Variants in ITPK1 observed in about 807,000 individuals in gnomAD.
ITPK1 encodes the protein inositol 1,3,4-trisphosphate 5/6-kinase.
Under a neutral mutation model 45.3 loss-of-function variants are expected in ITPK1, and 21 were observed. The ratio of observed to expected loss-of-function variants is 0.46; its 90% confidence interval spans 0.33 to 0.67. The LOEUF (loss-of-function observed/expected upper bound fraction) is 0.67, where lower values mean the gene tolerates loss of function less well. ITPK1 is among the 30% of genes least tolerant of loss of function. ITPK1 has a pLI of 0.02. For missense variants in ITPK1, 474 were observed against 573.5 expected (o/e 0.83, Z 1.77); for synonymous variants, 258 against 253.6 (o/e 1.02, Z -0.16).
chr14:93,048,355 A>G (rs1889868831), intron 3 of ITPK1, among the ~76,000 whole-genome samples: 1 of 152,256 alleles, frequency 6.6e-6, no homozygotes, highest in South Asian at 2.1e-4. Context: ...CAACAAGCTC[A>G]GAATCATGAG....
At chr14:93,091,244 C>T (rs1217440926) in intron 2 of ITPK1, among the ~76,000 whole-genome samples, 1 of 152,242 alleles carries the variant, frequency 6.6e-6, no homozygotes, top group African/African-American at 2.4e-5. Flanking sequence ...ATTACAGCGT[C>T]AGCCCAACAA....
intron 9 of ITPK1, among the ~76,000 whole-genome samples, chr14:92,950,246 A>G (rs1275703802): frequency 6.6e-6 from 1 of 152,184 alleles, no homozygotes; most frequent in Non-Finnish European, 1.5e-5. Context: ...AGGCCAGAGG[A>G]GGGCTTCCTG....
chr14:93,067,619 G>A (rs1237786014), intron 3 of ITPK1: 1 of 152,090 alleles, frequency 6.6e-6, no homozygotes, highest in East Asian at 1.9e-4. Flanking sequence ...CTCAGAGTAT[G>A]ACGACAGTAC....
chr14:93,050,679 G>T (rs1286588829), intron 3 of ITPK1, among the ~76,000 whole-genome samples: 2 of 152,098 alleles, frequency 1.3e-5, no homozygotes, highest in East Asian at 1.9e-4. Context: ...TGTGAGGGGG[G>T]TCCACAAGAG....
chr14:92,997,365 G>A lies in ITPK1; in HGVS notation c.247-3368C>T, dbSNP rs377293504. ...TTAAGCCAAACTCATGAGGGAAAGCGGCTACATGAAACCAAAGGGGAAAAC... is the reference window on the plus strand; with the variant it reads ...TTAAGCCAAACTCATGAGGGAAAGCAGCTACATGAAACCAAAGGGGAAAAC... On this transcript the variant is annotated intron_variant, in intron 4 of 10. Transcript: ENST00000267615. Among the ~76,000 whole-genome samples the A allele has an allele frequency of 6.6e-5, 10 of 152,336 alleles. No homozygotes were observed. In the South Asian group the frequency reaches 1.2e-3, roughly 19 times the overall value.
chr14:93,031,136 C>CA (rs1420682300), intron 3 of ITPK1, among the ~76,000 whole-genome samples: 1 of 152,146 alleles, frequency 6.6e-6, no homozygotes, highest in African/African-American at 2.4e-5. Context: ...GCAGCACTGG[C>CA]AAATGAATCC....
chr14:92,946,989 C>T (rs983899674), intron 9 of ITPK1, among the ~76,000 whole-genome samples: 6 of 152,292 alleles, frequency 3.9e-5, no homozygotes, highest in African/African-American at 1.2e-4. Context: ...AGAAGGAGAG[C>T]GGCCCCAGGG....
At chr14:92,986,239 A>G (rs769717981) in intron 5 of ITPK1, among the ~76,000 whole-genome samples, 2 of 152,228 alleles carry the variant, frequency 1.3e-5, no homozygotes, top group Admixed American at 6.5e-5. Context: ...AATTCACACT[A>G]AAGTGTAAAT....
chr14:93,061,746 G>C (rs1233918867), intron 3 of ITPK1, among the ~76,000 whole-genome samples: 1 of 152,114 alleles, frequency 6.6e-6, no homozygotes, highest in East Asian at 1.9e-4. Flanking sequence ...ATCATCACAG[G>C]CTTGCCCAAA....
chr14:93,082,169 G>A (rs1314826423), intron 2 of ITPK1, among the ~76,000 whole-genome samples: 3 of 152,156 alleles, frequency 2.0e-5, no homozygotes, highest in South Asian at 2.1e-4. Flanking sequence ...GCAGGTCTTG[G>A]GAAAAGGGTA....
At chr14:92,953,265 G>A (rs894021872) in intron 8 of ITPK1, among the ~76,000 whole-genome samples, 26 of 152,266 alleles carry the variant, frequency 1.7e-4, no homozygotes, top group African/African-American at 6.3e-4. Flanking sequence ...TCCCGCTAGC[G>A]GGGCACAGAG....
chr14:92,988,516 C>T (rs1453793930), intron 5 of ITPK1, among the ~76,000 whole-genome samples: 2 of 152,188 alleles, frequency 1.3e-5, no homozygotes, highest in Non-Finnish European at 2.9e-5. Flanking sequence ...GAGGGCACCC[C>T]CAGGGATGAT....
intron 2 of ITPK1, among the ~76,000 whole-genome samples, chr14:93,085,690 A>ATC (rs1891622646): frequency 6.6e-6 from 1 of 152,174 alleles, no homozygotes; most frequent in South Asian, 2.1e-4. Context: ...GTTCTGCCAC[A>ATC]TCCAAGGGGC....
chr14:93,000,441 G>A (rs1006710393), intron 4 of ITPK1, among the ~76,000 whole-genome samples: 4 of 152,176 alleles, frequency 2.6e-5, no homozygotes, highest in African/African-American at 4.8e-5. Flanking sequence ...AGAGCAAAAC[G>A]TCTCTGTTTT....
intron 5 of ITPK1, among the ~76,000 whole-genome samples, chr14:92,992,968 C>T (rs1252556819): frequency 6.6e-6 from 1 of 152,246 alleles, no homozygotes; most frequent in African/African-American, 2.4e-5. Flanking sequence ...TGGTCTCAGA[C>T]TCCCATGCAG....
intron 3 of ITPK1, among the ~76,000 whole-genome samples, chr14:93,026,599 C>T (rs1487887752): frequency 6.6e-6 from 1 of 152,192 alleles, no homozygotes; most frequent in Non-Finnish European, 1.5e-5. Context: ...CTTTCTCGTC[C>T]AGGAGTCTCA....
chr14:92,964,501 T>C (rs1885245171), intron 5 of ITPK1, among the ~76,000 whole-genome samples: 1 of 152,222 alleles, frequency 6.6e-6, no homozygotes, highest in Non-Finnish European at 1.5e-5. Context: ...AGGCCCTCCA[T>C]GGCTGTCAAG....
Position 93,076,635 on chromosome 14 carries a change from A to T in ITPK1, c.96-16T>A. On this transcript the variant is annotated splice_polypyrimidine_tract_variant and intron_variant, in intron 2 of 10. Coordinates refer to ENST00000267615, the MANE Select transcript of ITPK1 (RefSeq NM_014216.6). The surrounding 1 kb of genome is among the most constrained non-coding windows in gnomAD (Gnocchi z 4.3). ...CCCTCGCTTCCTGTGGAGAAAAACA[A>T]AGAAAACAAGCGTTACTCCAGCAGG... The T allele has an allele frequency of 6.2e-7, 1 of 1,614,120 alleles. No individual in the cohort carries two copies. The highest frequency in any genetic ancestry group is 8.5e-7 in the Non-Finnish European group (1 of 1,180,000).
chr14:92,941,896 CCT>C lies in ITPK1; in HGVS notation c.908_909del (p.Glu303GlyfsTer72). ...VIDINAFPGY[E>X]GVSEFFTDLL... Reference sequence around the variant, plus strand: ...AGGTCTGTGAAGAACTCGCTCACGCCCTCGTAGCCTGGGGGTGGGAGAGAGAC... The same window carrying C: ...AGGTCTGTGAAGAACTCGCTCACGCCCGTAGCCTGGGGGTGGGAGAGAGAC... On this transcript the variant is annotated frameshift_variant, in exon 11 of 11. Transcript: ENST00000267615. LOFTEE classifies it high-confidence loss of function. 1 of 1,611,726 alleles carries C rather than the reference CCT, an allele frequency of 6.2e-7. No homozygotes were observed. The highest frequency in any genetic ancestry group is 8.5e-7 in the Non-Finnish European group (1 of 1,179,686).
Sources: allele counts gnomAD v4.1 joint callset (sites outside exome capture counted in the v4.1 genomes callset), GRCh38; gene constraint gnomAD v4.1.1; non-coding constraint Gnocchi (gnomAD v3.1); transcripts MANE v1.5; gene names NCBI Gene and HGNC (gene_info 2026-07-23, HGNC 2026-07-21).